Variants in ALPL observed in about 807,000 individuals in gnomAD.
ALPL encodes alkaline phosphatase, tissue-nonspecific isozyme.
ALPL carries 42 observed loss-of-function variants against 51.3 expected under a neutral mutation model. The observed-to-expected ratio is 0.82, with a 90% CI of 0.64 to 1.06. ALPL has a LOEUF of 1.06. Among genes scored for constraint, ALPL ranks in the 50% least tolerant of loss-of-function variants. ALPL has a pLI of 0.00. For synonymous variants in ALPL, 279 were observed against 296.4 expected (o/e 0.94, Z 0.60); for missense variants, 589 against 709.4 (o/e 0.83, Z 1.93).
At chr1:21,549,765 G>A (rs1644297781) in intron 1 of ALPL, among the ~76,000 whole-genome samples, 1 of 152,126 alleles carries the variant, frequency 6.6e-6, no homozygotes, top group South Asian at 2.1e-4. Flanking sequence ...ACTTGGCTCG[G>A]TAGTATATGG....
intron 1 of ALPL, among the ~76,000 whole-genome samples, chr1:21,523,181 T>G (rs1262958960): frequency 1.3e-5 from 2 of 152,036 alleles, no homozygotes; most frequent in Non-Finnish European, 2.9e-5. Context: ...CCCTCAAGAT[T>G]ACAGGTACTC....
At chr1:21,571,198 T>C (rs1176981928) in intron 8 of ALPL, among the ~76,000 whole-genome samples, 1 of 152,212 alleles carries the variant, frequency 6.6e-6, no homozygotes. Context: ...TGTGTGACCT[T>C]GGGCAAGTGA....
chr1:21,510,365 G>A (rs1330724411), intron 1 of ALPL, among the ~76,000 whole-genome samples: 2 of 152,166 alleles, frequency 1.3e-5, no homozygotes, highest in Non-Finnish European at 2.9e-5. Context: ...TGGGTGGAGG[G>A]TGAAATTCCT....
chr1:21,574,136 G>A (rs978355329), intron 9 of ALPL: 10 of 985,348 alleles, frequency 1.0e-5, no homozygotes, highest in South Asian at 4.7e-5. Flanking sequence ...AAGCAAATCC[G>A]CAGGCCCCGG....
chr1:21,552,120 T>TCCCTACCC (rs1558542118), intron 1 of ALPL, among the ~76,000 whole-genome samples: 1 of 13,166 alleles, frequency 7.6e-5, no homozygotes, highest in Non-Finnish European at 1.3e-4. Context: ...CCCCTTCCCT[T>TCCCTACCC]TCCTCCCTCC....
chr1:21,531,800 GGCA>G (rs1644033870), intron 1 of ALPL, among the ~76,000 whole-genome samples: 1 of 152,158 alleles, frequency 6.6e-6, no homozygotes, highest in African/African-American at 2.4e-5. Flanking sequence ...GGAACAGAGA[GGCA>G]AGAGGAGAAC....
intron 8 of ALPL, among the ~76,000 whole-genome samples, chr1:21,571,712 A>AGCAATTTGGGAG (rs1644652025): frequency 6.7e-6 from 1 of 149,968 alleles, no homozygotes; most frequent in African/African-American, 2.5e-5. Context: ...AACTTAGGCC[A>AGCAATTTGGGAG]GGTGCAATGG....
chr1:21,528,814 A>T (rs990563580), intron 1 of ALPL, among the ~76,000 whole-genome samples: 1 of 151,528 alleles, frequency 6.6e-6, no homozygotes, highest in African/African-American at 2.4e-5. Context: ...TCATACATGT[A>T]ATCCCAGCAC....
intron 1 of ALPL, among the ~76,000 whole-genome samples, chr1:21,530,933 A>G (rs1229814544): frequency 1.4e-5 from 2 of 144,100 alleles, no homozygotes; most frequent in Non-Finnish European, 3.0e-5. Flanking sequence ...GGCGTGCACC[A>G]CCACATCCAG....
At chr1:21,551,985 A>C (rs1644331378) in intron 1 of ALPL, among the ~76,000 whole-genome samples, 1 of 150,140 alleles carries the variant, frequency 6.7e-6, no homozygotes, top group Non-Finnish European at 1.5e-5. Context: ...TCGGCCTCCC[A>C]AAGTGCTGGG....
intron 1 of ALPL, among the ~76,000 whole-genome samples, chr1:21,510,938 C>A (rs988624676): frequency 6.6e-6 from 1 of 152,216 alleles, no homozygotes; most frequent in African/African-American, 2.4e-5. Flanking sequence ...TCTCAACATC[C>A]CAACTGGTGA....
intron 1 of ALPL, among the ~76,000 whole-genome samples, chr1:21,541,896 T>C (rs1644191632): frequency 6.6e-6 from 1 of 152,182 alleles, no homozygotes; most frequent in South Asian, 2.1e-4. Flanking sequence ...GTCTGTTTCC[T>C]GCCAGGATGG....
chr1:21,550,213 G>A (rs190275978), intron 1 of ALPL, among the ~76,000 whole-genome samples: 1 of 152,300 alleles, frequency 6.6e-6, no homozygotes, highest in African/African-American at 2.4e-5. Flanking sequence ...CTATCCATGT[G>A]TCAAACGTCA....
At chr1:21,561,548 T>A (rs1008519976) in intron 4 of ALPL, among the ~76,000 whole-genome samples, 2 of 152,006 alleles carry the variant, frequency 1.3e-5, no homozygotes, top group Non-Finnish European at 2.9e-5. Context: ...TACCACCACA[T>A]ATGGATAATT....
chr1:21,565,302 A>G (rs1233828619), intron 6 of ALPL, among the ~76,000 whole-genome samples: 1 of 152,150 alleles, frequency 6.6e-6, no homozygotes, highest in African/African-American at 2.4e-5. Flanking sequence ...CTGAACAGAC[A>G]TCTGAGGCCA....
chr1:21,549,877 C>T (rs1421277424), intron 1 of ALPL, among the ~76,000 whole-genome samples: 2 of 152,098 alleles, frequency 1.3e-5, no homozygotes, highest in African/African-American at 2.4e-5. Context: ...CGATGGAACC[C>T]GTAGGTATAA....
intron 1 of ALPL, among the ~76,000 whole-genome samples, chr1:21,532,949 G>C (rs1371195977): frequency 6.6e-6 from 1 of 152,138 alleles, no homozygotes; most frequent in Admixed American, 6.5e-5. Context: ...GGCTTCTCTT[G>C]GAGAAAAAGA....
In ALPL at chr1:21,577,514, C is replaced by T. The variant is rs754502257; in HGVS notation, c.1441C>T (p.Pro481Ser). 5.6e-6 allele frequency: 9 copies of T among 1,608,212 alleles called. No homozygotes were observed. The highest frequency in any genetic ancestry group is 1.7e-5 in the Admixed American group (1 of 60,000). The change falls in exon 12 of 12, where the codon CCC becomes TCC. Residue 481 changes from proline to serine, a missense_variant. Coordinates refer to ENST00000374840, the MANE Select transcript of ALPL (RefSeq NM_000478.6). ...CGGCGTCCACGAGCAGAACTACGTC[C>T]CCCACGTGATGGCGTATGCAGCCTG... The part of the protein sequence containing the change: ...LHGVHEQNYV[P>S]HVMAYAACIG...
chr1:21,545,432 A>G (rs904532909), intron 1 of ALPL, among the ~76,000 whole-genome samples: 2 of 152,192 alleles, frequency 1.3e-5, no homozygotes, highest in Admixed American at 6.5e-5. Flanking sequence ...CTAGGATTAC[A>G]GGCGCCTGCC....
Sources: allele counts gnomAD v4.1 joint callset (sites outside exome capture counted in the v4.1 genomes callset), GRCh38; gene constraint gnomAD v4.1.1; transcripts MANE v1.5; gene names NCBI Gene and HGNC (gene_info 2026-07-23, HGNC 2026-07-21).